The following GRID2 variants were observed in gnomAD, a reference collection of about 807,000 sequenced individuals.
The protein encoded by GRID2 is glutamate receptor ionotropic, delta-2.
A neutral mutation model predicts 114.8 loss-of-function variants in GRID2; 33 were observed. The ratio of observed to expected loss-of-function variants is 0.29; its 90% CI spans 0.22 to 0.38. GRID2 has a LOEUF of 0.38. GRID2 is among the 10% of genes least tolerant of loss of function. The pLI is 1.00. For synonymous variants in GRID2, 505 were observed against 449.9 expected, an observed-to-expected ratio of 1.12 and a Z score of -1.55; for missense variants, 1,184 against 1,257.7, an observed-to-expected ratio of 0.94 and a Z score of 0.89.
rs114688695 is a variant in GRID2 at position 93,401,545 on chromosome 4, G to A, written c.1347+5837G>A. Among the ~76,000 whole-genome samples the A allele has an allele frequency of 9.7e-4, 147 of 152,090 alleles. 1 individual carries two copies. The highest frequency in any genetic ancestry group is 1.0e-3 in the Admixed American group (16 of 15,252). On this transcript the variant is annotated intron_variant, in intron 9 of 15. Transcript: ENST00000282020. Reference sequence around the variant, plus strand: ...ATATTCCTGGAAAGTTAAGTTAAACGTCACTGGGCAAGAAGCCACATAAAG... The same window carrying A: ...ATATTCCTGGAAAGTTAAGTTAAACATCACTGGGCAAGAAGCCACATAAAG...
At chr4:93,557,521 T>A (rs1734440646) in intron 13 of GRID2, among the ~76,000 whole-genome samples, 1 of 152,156 alleles carries the variant, frequency 6.6e-6, no homozygotes, top group Non-Finnish European at 1.5e-5. Flanking sequence ...AAGGAATCAA[T>A]GCAACAAGAA....
intron 4 of GRID2, among the ~76,000 whole-genome samples, chr4:93,156,536 A>G (rs1737203118): frequency 6.6e-6 from 1 of 151,722 alleles, no homozygotes; most frequent in Non-Finnish European, 1.5e-5. Context: ...TTGACAGATC[A>G]TGGTGTTTGG....
intron 14 of GRID2, among the ~76,000 whole-genome samples, chr4:93,661,079 T>C (rs1723450070): frequency 6.6e-6 from 1 of 152,214 alleles, no homozygotes; most frequent in Non-Finnish European, 1.5e-5. Flanking sequence ...TGTCCCCAGA[T>C]ATGCAGAAAT....
chr4:93,692,396 T>TG (rs949820474), intron 14 of GRID2, among the ~76,000 whole-genome samples: 14 of 152,132 alleles, frequency 9.2e-5, no homozygotes, highest in Non-Finnish European at 4.4e-5. Context: ...AATGCCCTCA[T>TG]GGGGGTATTA....
intron 2 of GRID2, among the ~76,000 whole-genome samples, chr4:93,023,978 C>A (rs918758221): frequency 6.6e-6 from 1 of 151,738 alleles, no homozygotes. Flanking sequence ...TATCTTCCAC[C>A]TAGCCCATTG....
rs1323766817 is a variant in GRID2 at position 92,596,695 on chromosome 4, A to AG, written c.244+6410dup. 2.8e-3 allele frequency among the ~76,000 whole-genome samples: 427 copies of AG among 151,938 alleles called. 4 individuals are homozygous for AG. The highest frequency in any genetic ancestry group is 9.7e-3 in the African/African-American group (404 of 41,448). On this transcript the variant is annotated intron_variant, in intron 2 of 15. Coordinates refer to ENST00000282020, the MANE Select transcript of GRID2 (RefSeq NM_001510.4). ...TTAGAGACAACACCAATATGCATTA[A>AG]GAAAAAAAAAAACAGCTCACACAAA...
intron 8 of GRID2, among the ~76,000 whole-genome samples, chr4:93,377,597 A>G (rs541080528): frequency 6.6e-6 from 1 of 152,334 alleles, no homozygotes; most frequent in Admixed American, 6.5e-5. Flanking sequence ...CAATAAGTTT[A>G]GACTTCACAC....
chr4:93,336,585 G>T (rs1278567523), intron 8 of GRID2, among the ~76,000 whole-genome samples: 4 of 152,064 alleles, frequency 2.6e-5, no homozygotes, highest in African/African-American at 9.7e-5. Flanking sequence ...ACTGATACAG[G>T]GTATGAGCAT....
chr4:92,879,037 GCTTTAT>G (rs1745817680), intron 2 of GRID2, among the ~76,000 whole-genome samples: 1 of 152,062 alleles, frequency 6.6e-6, no homozygotes, highest in African/African-American at 2.4e-5. Context: ...GCTTTCTAGA[GCTTTAT>G]CTTATTTTGA....
chr4:93,172,570 C>T (rs919264664), intron 4 of GRID2, among the ~76,000 whole-genome samples: 19 of 151,012 alleles, frequency 1.3e-4, no homozygotes, highest in Admixed American at 3.3e-4. Context: ...CCAGCCTGGG[C>T]GACAGGGCGA....
chr4:92,718,401 T>G (rs1735646378), intron 2 of GRID2, among the ~76,000 whole-genome samples: 1 of 152,052 alleles, frequency 6.6e-6, no homozygotes, highest in African/African-American at 2.4e-5. Flanking sequence ...AGCTGTAAAT[T>G]TTAAAAGATA....
rs551881743 is a variant in GRID2, at chr4:92,939,538, T to C, written c.245-145457T>C. 1.5e-3 allele frequency among the ~76,000 whole-genome samples: 222 copies of C among 147,618 alleles called. 4 individuals are homozygous for C. The highest frequency in any genetic ancestry group is 5.1e-3 in the African/African-American group (209 of 41,372). ...GTTCCCTGTTCACTCTGATAGTAGT[T>C]TCTGTTGCTGTGCAGAAGCTCTTTA... On this transcript the variant is annotated intron_variant, in intron 2 of 15. Coordinates refer to ENST00000282020, the MANE Select transcript of GRID2 (RefSeq NM_001510.4).
intron 10 of GRID2, 95 bp from the exon 11 acceptor site, chr4:93,455,567 G>C: frequency 5.6e-6 from 4 of 709,754 alleles, no homozygotes; most frequent in African/African-American, 1.8e-5. Context: ...ATTGCCTGAG[G>C]CATCTATTTT....
At chr4:93,215,384 A>C (rs1278645950) in intron 5 of GRID2, among the ~76,000 whole-genome samples, 1 of 152,076 alleles carries the variant, frequency 6.6e-6, no homozygotes, top group Admixed American at 6.6e-5. Context: ...TAACTTTAAA[A>C]GATGTCTGGT....
chr4:93,601,928 G>T (rs1739725260), intron 13 of GRID2, among the ~76,000 whole-genome samples: 1 of 152,100 alleles, frequency 6.6e-6, no homozygotes, highest in African/African-American at 2.4e-5. Flanking sequence ...TGTGACAACT[G>T]ATCACCATAT....
At chr4:92,635,202 G>T (rs1195479053) in intron 2 of GRID2, among the ~76,000 whole-genome samples, 1 of 152,012 alleles carries the variant, frequency 6.6e-6, no homozygotes, top group Non-Finnish European at 1.5e-5. Context: ...CTGCCTCAAA[G>T]TAAGCAGGAC....
At chr4:93,044,233 A>C (rs1388267905) in intron 2 of GRID2, among the ~76,000 whole-genome samples, 3 of 152,146 alleles carry the variant, frequency 2.0e-5, no homozygotes, top group African/African-American at 7.2e-5. Flanking sequence ...TTTATTTCTC[A>C]TTAGGCATTG....
chr4:92,773,694 A>C (rs1738644554), intron 2 of GRID2, among the ~76,000 whole-genome samples: 1 of 152,090 alleles, frequency 6.6e-6, no homozygotes, highest in African/African-American at 2.4e-5. Flanking sequence ...AAAATACCTT[A>C]ATAATTTAAT....
At chr4:92,679,205 A>T (rs1355772142) in intron 2 of GRID2, among the ~76,000 whole-genome samples, 1 of 151,994 alleles carries the variant, frequency 6.6e-6, no homozygotes, top group Non-Finnish European at 1.5e-5. Context: ...TTCAACCAGT[A>T]TGGTCTTTTT....
Sources: allele counts gnomAD v4.1 joint callset (sites outside exome capture counted in the v4.1 genomes callset), GRCh38; gene constraint gnomAD v4.1.1; transcripts MANE v1.5; gene names NCBI Gene and HGNC (gene_info 2026-07-23, HGNC 2026-07-21).